The following PALLD variants were observed in gnomAD, a reference collection of about 807,000 sequenced individuals.
PALLD encodes palladin.
PALLD carries 61 observed loss-of-function variants against 123.5 expected under a neutral mutation model. The ratio of observed to expected loss-of-function variants is 0.49; its 90% CI spans 0.40 to 0.61. PALLD has a LOEUF of 0.61. PALLD is among the 20% of genes least tolerant of loss of function. The pLI, the probability that PALLD is intolerant of heterozygous loss-of-function variation, is 0.00. For synonymous variants in PALLD, 465 were observed against 496.4 expected (o/e 0.94, Z 0.84); for missense variants, 1,273 against 1,377.0 (o/e 0.92, Z 1.20).
At chr4:168,848,460 C>T (rs1747238610) in intron 10 of PALLD, among the ~76,000 whole-genome samples, 1 of 152,014 alleles carries the variant, frequency 6.6e-6, no homozygotes, top group Non-Finnish European at 1.5e-5. Flanking sequence ...CACAGATCTA[C>T]TTGGTGGTGT....
Position 168,927,344 on chromosome 4 carries a change from T to G in PALLD, c.*1164T>G, listed in dbSNP as rs114351964. The G allele has an allele frequency of 8.3e-3, 1,924 of 232,568 alleles. 51 individuals carry two copies. Among genetic ancestry groups the G allele is most frequent in the African/African-American group, 0.039 (1,789 of 45,420 alleles). The allele number at this position is 232,568 out of a possible 1,614,324, so 14.4% of individuals were successfully genotyped here. A position where few individuals can be genotyped will look rare whatever the true frequency, so the allele number is the denominator to read the frequency against. On this transcript the variant is annotated 3_prime_UTR_variant, in exon 22 of 22. Coordinates refer to ENST00000505667, the MANE Select transcript of PALLD (RefSeq NM_001166108.2). Reference sequence around the variant, plus strand: ...CTTCAAACATAGGTGAAAAAAACACTGCCATTCACAAGTCAAGGAACCCAG... The same window carrying G: ...CTTCAAACATAGGTGAAAAAAACACGGCCATTCACAAGTCAAGGAACCCAG...
At chr4:168,923,760 A>T (rs950370076) in intron 18 of PALLD, among the ~76,000 whole-genome samples, 2 of 152,222 alleles carry the variant, frequency 1.3e-5, no homozygotes, top group African/African-American at 4.8e-5. Context: ...GCCCCCTTTA[A>T]ATTCTATGGC....
intron 10 of PALLD, among the ~76,000 whole-genome samples, chr4:168,872,903 C>T (rs1302881701): frequency 6.6e-6 from 1 of 152,194 alleles, no homozygotes; most frequent in Non-Finnish European, 1.5e-5. Flanking sequence ...TGAATCGGTA[C>T]TACCTGAGTG....
intron 2 of PALLD, among the ~76,000 whole-genome samples, chr4:168,661,495 C>A (rs1262006460): frequency 1.3e-5 from 2 of 152,170 alleles, no homozygotes; most frequent in Non-Finnish European, 2.9e-5. Context: ...CCAATTAGTA[C>A]AAGGTAATTT....
intron 2 of PALLD, among the ~76,000 whole-genome samples, chr4:168,661,882 C>A (rs1779169968): frequency 6.6e-6 from 1 of 152,080 alleles, no homozygotes; most frequent in South Asian, 2.1e-4. Context: ...AATATAATGA[C>A]AACTACTTCA....
intron 8 of PALLD, among the ~76,000 whole-genome samples, chr4:168,704,297 C>T (rs1784005114): frequency 6.6e-6 from 1 of 152,130 alleles, no homozygotes; most frequent in Admixed American, 6.5e-5. Context: ...AAAACCTAGG[C>T]ATTACCATTC....
chr4:168,689,225 C>G (rs1054115730), intron 6 of PALLD, among the ~76,000 whole-genome samples: 3 of 152,154 alleles, frequency 2.0e-5, no homozygotes, highest in Non-Finnish European at 4.4e-5. Flanking sequence ...TTTTAGCACA[C>G]TTACTGCAGG....
At chr4:168,919,466 A>G (rs1760969868) in intron 17 of PALLD, among the ~76,000 whole-genome samples, 1 of 151,860 alleles carries the variant, frequency 6.6e-6, no homozygotes, top group South Asian at 2.1e-4. Flanking sequence ...CGGAGGTTGC[A>G]GTAAGCTGAG....
At chr4:168,730,050 G>A (rs557834867) in intron 10 of PALLD, among the ~76,000 whole-genome samples, 5 of 152,026 alleles carry the variant, frequency 3.3e-5, no homozygotes, top group African/African-American at 9.6e-5. Context: ...GAAAATAGTG[G>A]GCCCTTTCAA....
At chr4:168,733,600 C>T (rs113539123) in intron 10 of PALLD, among the ~76,000 whole-genome samples, 7 of 8,450 alleles carry the variant, frequency 8.3e-4, no homozygotes, top group South Asian at 0.013. Flanking sequence ...TTTTGAGGGG[C>T]GGGGGTGGGT....
intron 14 of PALLD, among the ~76,000 whole-genome samples, chr4:168,903,240 ACCTC>A (rs766205134): frequency 1.3e-5 from 2 of 152,036 alleles, no homozygotes; most frequent in Admixed American, 1.3e-4. Flanking sequence ...CTTAGTCATC[ACCTC>A]CCTCCCTACC....
chr4:168,613,066 A>C (rs1454578283), intron 2 of PALLD, among the ~76,000 whole-genome samples: 2 of 152,128 alleles, frequency 1.3e-5, no homozygotes, highest in African/African-American at 4.8e-5. Context: ...AAAAATGAAA[A>C]TATTCTGGGA....
rs773520153 is a variant in PALLD, at chr4:168,711,596, G to A, written c.1637G>A (p.Cys546Tyr). ...CCTTCCTTAGCCAACACTGAAAACT[G>A]TAGTTACGAGTCAATGGGAGAATCC... ...LVVTSANTEN[C>Y]SYESMGESNN... Residue 546 changes from cysteine to tyrosine, a missense_variant, in exon 10 of 22, where the codon TGT (cysteine) becomes TAT (tyrosine). Transcript: ENST00000505667. 1 of 1,613,528 alleles carries A rather than the reference G, an allele frequency of 6.2e-7. No individual in the cohort carries two copies. Among genetic ancestry groups the A allele is most frequent in the Non-Finnish European group, 8.5e-7 (1 of 1,179,450 alleles).
chr4:168,651,852 T>C (rs968561826), intron 2 of PALLD, among the ~76,000 whole-genome samples: 7 of 152,338 alleles, frequency 4.6e-5, no homozygotes, highest in Non-Finnish European at 8.8e-5. Flanking sequence ...ATTTTATCTC[T>C]TATTGAAAAG....
At chr4:168,518,041 C>G (rs886493399) in intron 2 of PALLD, among the ~76,000 whole-genome samples, 1 of 152,166 alleles carries the variant, frequency 6.6e-6, no homozygotes, top group Non-Finnish European at 1.5e-5. Flanking sequence ...TGATTCTCCT[C>G]TCCTCCAAAA....
intron 3 of PALLD, among the ~76,000 whole-genome samples, chr4:168,681,103 A>G (rs1781509184): frequency 6.6e-6 from 1 of 152,222 alleles, no homozygotes; most frequent in Non-Finnish European, 1.5e-5. Context: ...CTGTCATTAA[A>G]AGTATATTGC....
At chr4:168,867,882 C>T (rs1431150803) in intron 10 of PALLD, among the ~76,000 whole-genome samples, 1 of 139,746 alleles carries the variant, frequency 7.2e-6, no homozygotes, top group Non-Finnish European at 1.5e-5. Flanking sequence ...GTTAAGAGAC[C>T]ATTTGAACTA....
intron 10 of PALLD, among the ~76,000 whole-genome samples, chr4:168,798,975 G>A (rs939032490): frequency 3.9e-5 from 6 of 152,114 alleles, no homozygotes; most frequent in East Asian, 3.8e-4. Context: ...ATCATGAATC[G>A]GGCAGCCCGC....
Position 168,704,687 on chromosome 4 carries a change from T to A in PALLD, c.1502-4341T>A, listed in dbSNP as rs76024018. ...CTCAAAAAAAAAAAAAAAAAAAAAA[T>A]GTGTATGTTGTATTTGTATTACCTA... is the stretch of plus-strand genomic sequence containing the variant. On this transcript the variant is annotated intron_variant, in intron 8 of 21. Transcript: ENST00000505667. Among the ~76,000 whole-genome samples, 832 of 89,894 alleles carry A rather than the reference T, an allele frequency of 9.3e-3. 14 individuals carry two copies. The highest frequency in any genetic ancestry group is 0.033 in the East Asian group (67 of 2,042). 59.0% of individuals were successfully genotyped at this position (89,894 alleles called of 152,430 possible).
Sources: gnomAD v4.1 joint callset for allele counts (sites outside exome capture counted in the v4.1 genomes callset) on GRCh38, gnomAD v4.1.1 for gene constraint, MANE v1.5 for transcripts, NCBI Gene and HGNC (gene_info 2026-07-23, HGNC 2026-07-21) for gene names.